Variants in CCDC178 observed in about 807,000 individuals in gnomAD.
The protein encoded by CCDC178 is coiled-coil domain-containing protein 178.
Under a neutral mutation model 117.4 loss-of-function variants are expected in CCDC178, and 126 were observed. The observed-to-expected ratio is 1.07, with a 90% CI of 0.93 to 1.24. CCDC178 has a LOEUF of 1.24. Ranked by LOEUF, CCDC178 falls within the 50% of genes most tolerant of loss-of-function variation. The pLI, the probability that CCDC178 is intolerant of heterozygous loss-of-function variation, is 0.00. For missense variants in CCDC178, 1,030 were observed against 986.9 expected (o/e 1.04, Z -0.59); for synonymous variants, 283 against 313.4 (o/e 0.90, Z 1.02).
At chr18:33,085,876 T>G (rs1019256157) in intron 21 of CCDC178, among the ~76,000 whole-genome samples, 32 of 152,172 alleles carry the variant, frequency 2.1e-4, no homozygotes, top group African/African-American at 7.7e-4. Context: ...ATTTTCCATA[T>G]TAATATTTAT....
chr18:32,946,468 T>C (rs1253446571), intron 22 of CCDC178, among the ~76,000 whole-genome samples: 1 of 152,152 alleles, frequency 6.6e-6, no homozygotes, highest in Non-Finnish European at 1.5e-5. Flanking sequence ...ATGAAATATA[T>C]GGTTATTACA....
At chr18:33,122,531 A>G (rs1039428793) in intron 20 of CCDC178, among the ~76,000 whole-genome samples, 2 of 152,128 alleles carry the variant, frequency 1.3e-5, no homozygotes, top group Non-Finnish European at 2.9e-5. Flanking sequence ...ATAACAGGAA[A>G]AGTCACTCAT....
At chr18:33,338,123 T>C (rs1423190455) in intron 9 of CCDC178, among the ~76,000 whole-genome samples, 5 of 152,100 alleles carry the variant, frequency 3.3e-5, no homozygotes, top group African/African-American at 9.7e-5. Flanking sequence ...AAAGAAGATA[T>C]GCAAATGGCC....
intron 21 of CCDC178, among the ~76,000 whole-genome samples, chr18:33,037,313 G>A (rs1001574980): frequency 2.0e-5 from 3 of 151,864 alleles, no homozygotes; most frequent in African/African-American, 7.2e-5. Flanking sequence ...TGAGTCTCTT[G>A]AGAAACAGGT....
chr18:33,428,370 C>T lies in CCDC178; in HGVS notation c.-23+11592G>A, dbSNP rs62090570. Among the ~76,000 whole-genome samples the T allele has an allele frequency of 1.3e-3, 204 of 152,144 alleles. 1 individual carries two copies. The highest frequency in any genetic ancestry group is 2.7e-3 in the South Asian group (13 of 4,804). Reference sequence around the variant, plus strand: ...ATTTACTCCTCAGCAGCCTACTGGCCCTATTTTTGTAGAGAAGATCCTAAA... The same window carrying T: ...ATTTACTCCTCAGCAGCCTACTGGCTCTATTTTTGTAGAGAAGATCCTAAA... On this transcript the variant is annotated intron_variant, in intron 2 of 22. Coordinates refer to ENST00000383096, the MANE Select transcript of CCDC178 (RefSeq NM_001105528.4).
chr18:33,365,394 A>G (rs2144741944), intron 6 of CCDC178, among the ~76,000 whole-genome samples: 1 of 152,192 alleles, frequency 6.6e-6, no homozygotes, highest in East Asian at 1.9e-4. Context: ...GCTGAACCGG[A>G]TGTGCTTAGA....
At chr18:32,962,421 A>G (rs1427271617) in intron 22 of CCDC178, among the ~76,000 whole-genome samples, 1 of 152,036 alleles carries the variant, frequency 6.6e-6, no homozygotes, top group Non-Finnish European at 1.5e-5. Context: ...TTCTTTTAGC[A>G]TTTACTGTAA....
chr18:33,228,602 A>G (rs545019389), intron 15 of CCDC178, among the ~76,000 whole-genome samples: 10 of 152,376 alleles, frequency 6.6e-5, no homozygotes, highest in Non-Finnish European at 1.2e-4. Flanking sequence ...TGTACACTGC[A>G]TGGGCAAAAC....
At chr18:33,346,577 G>A (rs1044398123) in intron 8 of CCDC178, among the ~76,000 whole-genome samples, 166 bp from the exon 9 acceptor site, 43 of 151,926 alleles carry the variant, frequency 2.8e-4, no homozygotes, top group Middle Eastern at 6.8e-3. Flanking sequence ...ACAAATATAA[G>A]ATTAATTATA....
At chr18:33,290,755 T>A (rs1230401446) in intron 12 of CCDC178, among the ~76,000 whole-genome samples, 2 of 151,920 alleles carry the variant, frequency 1.3e-5, no homozygotes, top group African/African-American at 4.8e-5. Context: ...GTGAAGATGG[T>A]CAAATAGATC....
chr18:33,237,092 G>C (rs1274458920), intron 15 of CCDC178, among the ~76,000 whole-genome samples: 2 of 152,168 alleles, frequency 1.3e-5, no homozygotes, highest in Non-Finnish European at 2.9e-5. Context: ...GCACAGCACT[G>C]TCTTGATACC....
chr18:33,150,858 A>G (rs543751032), intron 20 of CCDC178, among the ~76,000 whole-genome samples: 36 of 152,332 alleles, frequency 2.4e-4, no homozygotes, highest in African/African-American at 8.4e-4. Flanking sequence ...TCACAATTGT[A>G]AAGATATGGA....
intron 12 of CCDC178, among the ~76,000 whole-genome samples, chr18:33,289,665 A>C (rs2060143341): frequency 6.6e-6 from 1 of 152,168 alleles, no homozygotes; most frequent in African/African-American, 2.4e-5. Flanking sequence ...AAAAAGATAA[A>C]AGGAATTTCA....
chr18:33,381,332 A>G (rs1224614618), intron 5 of CCDC178, among the ~76,000 whole-genome samples: 1 of 152,188 alleles, frequency 6.6e-6, no homozygotes, highest in African/African-American at 2.4e-5. Flanking sequence ...TCTGTGTTGC[A>G]TGCTCAGACT....
At chr18:33,225,371 G>T (rs544142673) in intron 16 of CCDC178, among the ~76,000 whole-genome samples, 2 of 152,160 alleles carry the variant, frequency 1.3e-5, no homozygotes, top group African/African-American at 4.8e-5. Flanking sequence ...TGTTGGCCAG[G>T]CTGGTCTCGA....
At chr18:33,196,412 T>A (rs1157004052) in intron 20 of CCDC178, among the ~76,000 whole-genome samples, 3 of 152,176 alleles carry the variant, frequency 2.0e-5, no homozygotes, top group African/African-American at 4.8e-5. Flanking sequence ...CTCGGTGCTA[T>A]ATGTTTCCCC....
At position 33,224,816 on chromosome 18, in the gene CCDC178, C is replaced by T. The variant is rs768290189; in HGVS notation, c.1777G>A (p.Glu593Lys). ...LQEPLLQLED[E>K]AERIRSLDKE... is the part of the protein sequence containing the mutation. ...TCGAGACTTCTGATTCTTTCAGCTT[C>T]ATCTTCTAGTTGAAGCAGAGGTTCC... The change falls in exon 17 of 23, where the codon GAA becomes AAA. Residue 593 changes from glutamate (E) to lysine (K), a missense_variant. Glu to Lys is a moderately conservative substitution (Grantham distance 56, BLOSUM62 1). Coordinates refer to ENST00000383096, the MANE Select transcript of CCDC178 (RefSeq NM_001105528.4). The T allele has an allele frequency of 6.5e-7, 1 of 1,550,052 alleles. No individual in the cohort carries two copies. The highest frequency in any genetic ancestry group is 8.7e-7 in the Non-Finnish European group (1 of 1,146,714).
At chr18:33,004,288 C>A (rs993292940) in intron 21 of CCDC178, among the ~76,000 whole-genome samples, 1 of 151,808 alleles carries the variant, frequency 6.6e-6, no homozygotes, top group African/African-American at 2.4e-5. Flanking sequence ...AAACAGCAGA[C>A]AGGTAGACCA....
At chr18:33,054,356 C>T (rs1483273949) in intron 21 of CCDC178, among the ~76,000 whole-genome samples, 1 of 152,140 alleles carries the variant, frequency 6.6e-6, no homozygotes, top group Non-Finnish European at 1.5e-5. Context: ...GTTTCTTGCA[C>T]AGATCACCCC....
Sources: gnomAD v4.1 joint callset for allele counts (sites outside exome capture counted in the v4.1 genomes callset) on GRCh38, gnomAD v4.1.1 for gene constraint, MANE v1.5 for transcripts, NCBI Gene and HGNC (gene_info 2026-07-23, HGNC 2026-07-21) for gene names.